SLC24A2: variants seen among roughly 807,000 people sequenced by gnomAD.
SLC24A2 encodes the protein solute carrier family 24 member 2, also known as sodium/potassium/calcium exchanger 2.
In SLC24A2, 36 loss-of-function variants were observed where a neutral mutation model predicts 62.0. The ratio of observed to expected loss-of-function variants is 0.58; its 90% CI spans 0.44 to 0.77. SLC24A2 has a LOEUF of 0.77. Ranked by LOEUF, SLC24A2 falls within the 30% of genes least tolerant of loss-of-function variation. The pLI is 0.00. For missense variants in SLC24A2, 846 were observed against 817.9 expected, an observed-to-expected ratio of 1.03 and a Z score of -0.42; for synonymous variants, 358 against 294.0, an observed-to-expected ratio of 1.22 and a Z score of -2.23.
At chr9:20,082,081 C>T in the SLC24A2 span, among the ~76,000 whole-genome samples, 3 of 152,178 alleles carry the variant, frequency 2.0e-5, no homozygotes, top group African/African-American at 7.2e-5. Context: ...CTCCATCAAT[C>T]TTATGCCAAA....
At chr9:19,850,946 C>CATATATATATATATATATAT in the SLC24A2 span, among the ~76,000 whole-genome samples, 2 of 24,712 alleles carry the variant, frequency 8.1e-5, no homozygotes, top group African/African-American at 1.1e-4. Context: ...TATATATATA[C>CATATATATATATATATATAT]ATATATATAT....
chr9:19,929,745 G>T, the SLC24A2 span: 1 of 152,572 alleles, frequency 6.6e-6, no homozygotes. Context: ...AGAAGGCATT[G>T]TTATCATAGG....
chr9:19,914,060 G>A, the SLC24A2 span, among the ~76,000 whole-genome samples: 2 of 151,920 alleles, frequency 1.3e-5, no homozygotes, highest in African/African-American at 4.8e-5. Context: ...AAACCTCACA[G>A]TTGCCCTTTG....
chr9:19,518,744 G>GT (rs1336383331), intron 10 of SLC24A2, among the ~76,000 whole-genome samples: 5 of 152,092 alleles, frequency 3.3e-5, no homozygotes, highest in Non-Finnish European at 5.9e-5. Flanking sequence ...TTCTAAATCT[G>GT]TGAGTATATG....
At chr9:19,820,006 T>TAC in the SLC24A2 span, among the ~76,000 whole-genome samples, 16 of 122,972 alleles carry the variant, frequency 1.3e-4, no homozygotes, top group East Asian at 3.1e-3. Context: ...TATATATATA[T>TAC]GTGTATATAT....
chr9:19,607,787 C>T (rs1035030998), intron 4 of SLC24A2, among the ~76,000 whole-genome samples: 1 of 150,718 alleles, frequency 6.6e-6, no homozygotes, highest in Non-Finnish European at 1.5e-5. Context: ...TCAAAGCCAA[C>T]CTTTTCATTG....
chr9:20,234,863 A>G, the SLC24A2 span, among the ~76,000 whole-genome samples: 4 of 151,824 alleles, frequency 2.6e-5, no homozygotes, highest in Non-Finnish European at 5.9e-5. Context: ...GGTTTTGTGT[A>G]CCTTTGGTCT....
At chr9:19,730,243 A>C (rs1821295476) in intron 2 of SLC24A2, among the ~76,000 whole-genome samples, 1 of 152,138 alleles carries the variant, frequency 6.6e-6, no homozygotes, top group African/African-American at 2.4e-5. Flanking sequence ...TGAATGTGAA[A>C]ATTTATCTTG....
At chr9:19,533,969 C>T (rs1283823049) in intron 8 of SLC24A2, among the ~76,000 whole-genome samples, 1 of 151,344 alleles carries the variant, frequency 6.6e-6, no homozygotes, top group African/African-American at 2.4e-5. Flanking sequence ...TGGGACCGTC[C>T]TGGGTAATCT....
At chr9:20,018,179 C>T in the SLC24A2 span, among the ~76,000 whole-genome samples, 4 of 152,222 alleles carry the variant, frequency 2.6e-5, no homozygotes, top group South Asian at 8.3e-4. Context: ...GATCTCCTGA[C>T]CTTGTGATCT....
the SLC24A2 span, among the ~76,000 whole-genome samples, chr9:20,003,781 A>G: frequency 6.6e-6 from 1 of 152,264 alleles, no homozygotes; most frequent in Non-Finnish European, 1.5e-5. Flanking sequence ...AACTTTATTT[A>G]TAAAAACAGG....
At chr9:20,248,183 G>A in the SLC24A2 span, among the ~76,000 whole-genome samples, 2 of 152,160 alleles carry the variant, frequency 1.3e-5, no homozygotes, top group Admixed American at 6.5e-5. Context: ...TTTTTGGGAG[G>A]CAGCTGCAGC....
At chr9:19,798,539 T>C in the SLC24A2 span, among the ~76,000 whole-genome samples, 3 of 152,262 alleles carry the variant, frequency 2.0e-5, no homozygotes, top group South Asian at 4.1e-4. Flanking sequence ...ATCTTTAATG[T>C]TGATAAATCT....
At chr9:20,097,984 C>A in the SLC24A2 span, among the ~76,000 whole-genome samples, 27 of 151,700 alleles carry the variant, frequency 1.8e-4, no homozygotes, top group African/African-American at 6.0e-4. Flanking sequence ...CCTCGTGATT[C>A]GCCCGCCTCG....
At chr9:20,062,591 C>A in the SLC24A2 span, among the ~76,000 whole-genome samples, 11 of 143,374 alleles carry the variant, frequency 7.7e-5, no homozygotes, top group Non-Finnish European at 1.0e-4. Context: ...GCAAGGACTT[C>A]TTGTCTAAAA....
chr9:19,884,181 T>C, the SLC24A2 span, among the ~76,000 whole-genome samples: 1 of 152,224 alleles, frequency 6.6e-6, no homozygotes, highest in Non-Finnish European at 1.5e-5. Context: ...ATGATCTTTT[T>C]ACTTAGGATT....
chr9:19,960,866 C>T, the SLC24A2 span, among the ~76,000 whole-genome samples: 43 of 152,184 alleles, frequency 2.8e-4, no homozygotes, highest in African/African-American at 9.9e-4. Context: ...GAGCACAATG[C>T]CTGGTGTGTA....
At chr9:19,554,559 T>A (rs920821236) in intron 7 of SLC24A2, among the ~76,000 whole-genome samples, 2 of 152,188 alleles carry the variant, frequency 1.3e-5, no homozygotes, top group African/African-American at 4.8e-5. Context: ...GAAAGCTTGC[T>A]TTTACCTAGG....
At chr9:19,618,172 A>T (rs1012326693) in intron 4 of SLC24A2, among the ~76,000 whole-genome samples, 2 of 152,202 alleles carry the variant, frequency 1.3e-5, no homozygotes, top group African/African-American at 4.8e-5. Context: ...AGAGACCCTA[A>T]CTTGCCCAAA....
Sources: gnomAD v4.1 joint callset for allele counts (sites outside exome capture counted in the v4.1 genomes callset) on GRCh38, gnomAD v4.1.1 for gene constraint, MANE v1.5 for transcripts, NCBI Gene and HGNC (gene_info 2026-07-23, HGNC 2026-07-21) for gene names.